The following ZNF518A variants were observed in gnomAD, a reference collection of about 807,000 sequenced individuals.
ZNF518A encodes zinc finger protein 518A, also known as zinc finger protein 518.
ZNF518A carries 47 observed loss-of-function variants against 102.7 expected under a neutral mutation model. That is an observed-to-expected ratio of 0.46 (90% CI 0.36 to 0.58). The LOEUF (loss-of-function observed/expected upper bound fraction) is 0.58, where lower values mean the gene tolerates loss of function less well. ZNF518A is among the 20% of genes least tolerant of loss of function. ZNF518A has a pLI of 0.00. For missense variants in ZNF518A, 1,793 were observed against 1,699.8 expected (o/e 1.05, Z -0.96); for synonymous variants, 652 against 594.6 (o/e 1.10, Z -1.40).
chr10:96,183,485 ATG>A (rs1374584826), intron 1 of ZNF518A, among the ~76,000 whole-genome samples: 2 of 152,206 alleles, frequency 1.3e-5, no homozygotes, highest in African/African-American at 4.8e-5. Context: ...ACTGCTTTAA[ATG>A]TGTCACAGAG....
Position 96,157,483 on chromosome 10 carries a change from A to G in ZNF518A, c.1161A>G (p.Glu387=), listed in dbSNP as rs1335962559. ...LHCENNDKAP[E]SESEKPTPLS... The stretch of plus-strand genomic sequence containing the variant: ...GTGAGAATAATGATAAAGCCCCTGA[A>G]TCAGAGTCAGAGAAGCCAACTCCTC... Residue 387 remains glutamate, a synonymous_variant, in exon 6 of 6, where the codon GAA becomes GAG. Coordinates refer to ENST00000316045, the MANE Select transcript of ZNF518A (RefSeq NM_001330736.2). 3 of 1,613,756 alleles carry G rather than the reference A, an allele frequency of 1.9e-6. No homozygotes were observed. The highest frequency in any genetic ancestry group is 2.5e-6 in the Non-Finnish European group (3 of 1,179,808).
intron 1 of ZNF518A, among the ~76,000 whole-genome samples, chr10:96,179,939 C>T (rs1006114709): frequency 9.5e-5 from 14 of 147,400 alleles, no homozygotes; most frequent in Non-Finnish European, 1.5e-4. Context: ...AGTGCAGTGG[C>T]ACAACCTCGG....
chr10:96,204,047 T>C (rs587689028), exon 3 of ZNF518A: 1 of 1,612,010 alleles, frequency 6.2e-7, no homozygotes, highest in Non-Finnish European at 8.5e-7. Flanking sequence ...CATGGCTTCG[T>C]TGTACTTACT....
Position 96,157,948 on chromosome 10 carries a change from A to G in ZNF518A, c.1626A>G (p.Gln542=). Residue 542 remains glutamine, a synonymous_variant, in exon 6 of 6, where the codon CAA becomes CAG. Coordinates refer to ENST00000316045, the MANE Select transcript of ZNF518A (RefSeq NM_001330736.2). Reference sequence around the variant, plus strand: ...TATCTCAAAGGAATAATATGCTTCAAACAATGGATTATGAGAAAAGTGTAT... The same window carrying G: ...TATCTCAAAGGAATAATATGCTTCAGACAATGGATTATGAGAAAAGTGTAT... The part of the protein sequence containing the change: ...TLISQRNNML[Q]TMDYEKSVSS... 6.2e-7 allele frequency: 1 copy of G among 1,613,862 alleles called. No individual in the cohort carries two copies. The highest frequency in any genetic ancestry group is 8.5e-7 in the Non-Finnish European group (1 of 1,179,788).
Position 96,158,157 on chromosome 10 carries a change from G to T in ZNF518A, c.1835G>T (p.Ser612Ile). ...GTTGCCAAACCAAATGCATACAACA[G>T]TGGAGATATGCATAATTATTGCATT... Reference protein sequence around the residue: ...NCVAKPNAYNSGDMHNYCINY... With the variant: ...NCVAKPNAYNIGDMHNYCINY... Residue 612 changes from serine (S) to isoleucine (I), a missense_variant, in exon 6 of 6, where the codon AGT (serine) becomes ATT (isoleucine). Physicochemically the swap from Ser to Ile is moderately radical, Grantham distance 142 (BLOSUM62 -2). Transcript: ENST00000316045. 1 of 1,613,566 alleles carries T rather than the reference G, an allele frequency of 6.2e-7. No homozygotes were observed. The highest frequency in any genetic ancestry group is 8.5e-7 in the Non-Finnish European group (1 of 1,179,682).
chr10:96,192,906 C>T (rs782754557), intron 1 of ZNF518A, among the ~76,000 whole-genome samples: 5 of 152,096 alleles, frequency 3.3e-5, no homozygotes, highest in Non-Finnish European at 7.4e-5. Flanking sequence ...TACAACAGTG[C>T]CATGAGTTTA....
At position 96,200,995 on chromosome 10, in the gene ZNF518A, G is replaced by C. The variant is rs2133949820; in HGVS notation, n.36-2579G>C. On this transcript the variant is annotated intron_variant and non_coding_transcript_variant, in intron 1 of 2. Transcript: ENST00000442635. The surrounding 1 kb of genome is among the most constrained non-coding windows in gnomAD (Gnocchi z 4.3). ...TTCATTTCATACCTGTTCTGAAATA[G>C]TGGAATTAGATGAAAAGCTGGGTAG... 3.1e-6 allele frequency: 5 copies of C among 1,614,014 alleles called. No individual in the cohort carries two copies. The highest frequency in any genetic ancestry group is 4.2e-6 in the Non-Finnish European group (5 of 1,179,878).
At chr10:96,185,003 T>C (rs1554892419) in intron 1 of ZNF518A, among the ~76,000 whole-genome samples, 1 of 152,186 alleles carries the variant, frequency 6.6e-6, no homozygotes, top group Non-Finnish European at 1.5e-5. Flanking sequence ...GTTCATTTCT[T>C]TTTACTCTTT....
intron 3 of ZNF518A, among the ~76,000 whole-genome samples, chr10:96,145,663 G>A (rs1232191313): frequency 1.3e-5 from 2 of 152,184 alleles, no homozygotes; most frequent in Non-Finnish European, 2.9e-5. Context: ...AATGATACCT[G>A]TATTGTTTTG....
rs1309859409 is a variant in ZNF518A at position 96,158,680 on chromosome 10, G to A, written c.2358G>A (p.Leu786=). 11 of 1,613,196 alleles carry A rather than the reference G, an allele frequency of 6.8e-6. No homozygotes were observed. The South Asian group carries it at 1.2e-4, about 18-fold the overall frequency. Residue 786 remains leucine (L), a synonymous_variant, in exon 6 of 6, where the codon TTG becomes TTA. Coordinates refer to ENST00000316045, the MANE Select transcript of ZNF518A (RefSeq NM_001330736.2). The part of the protein sequence containing the change: ...SEFLPPEVNQ[L]LQDVLKIKPD... Reference sequence around the variant, plus strand: ...TTCTGCCACCTGAAGTAAACCAATTGCTTCAGGATGTATTGAAAATAAAAC... The same window carrying A: ...TTCTGCCACCTGAAGTAAACCAATTACTTCAGGATGTATTGAAAATAAAAC...
At chr10:96,201,738 GCATTCATTCATT>G (rs59428057) in intron 1 of ZNF518A, among the ~76,000 whole-genome samples, 14 of 138,706 alleles carry the variant, frequency 1.0e-4, no homozygotes, top group South Asian at 2.2e-4. Context: ...AGACTTATCT[GCATTCATTCATT>G]CATTCATTCA....
chr10:96,132,031 A>G (rs1554872150), intron 1 of ZNF518A, among the ~76,000 whole-genome samples: 1 of 151,238 alleles, frequency 6.6e-6, no homozygotes, highest in Non-Finnish European at 1.5e-5. Context: ...TTTTTCTTTA[A>G]ATGATAGGAG....
intron 1 of ZNF518A, among the ~76,000 whole-genome samples, chr10:96,184,149 G>T (rs1165127277): frequency 2.6e-5 from 4 of 151,854 alleles, no homozygotes; most frequent in Admixed American, 2.6e-4. Context: ...CTTTCCATTT[G>T]CTTGGTAGGT....
rs144596644 is a variant in ZNF518A, at chr10:96,179,981, C to T, written n.36-23593C>T. 2.7e-3 allele frequency among the ~76,000 whole-genome samples: 405 copies of T among 150,748 alleles called. 3 individuals carry two copies. The highest frequency in any genetic ancestry group is 7.1e-3 in the African/African-American group (292 of 40,982). On this transcript the variant is annotated intron_variant and non_coding_transcript_variant, in intron 1 of 2. Transcript: ENST00000442635. ...GCAACCTCTGCCTCCTGGGTTCAAG[C>T]GATTCTCCTTATTTGGCCTCCTGAG...
intron 3 of ZNF518A, among the ~76,000 whole-genome samples, chr10:96,143,915 T>A (rs1554877497): frequency 6.6e-6 from 1 of 152,196 alleles, no homozygotes; most frequent in African/African-American, 2.4e-5. Flanking sequence ...TATAAGATCT[T>A]TCCTCTTAGC....
chr10:96,138,869 A>G (rs1351329623), intron 3 of ZNF518A, among the ~76,000 whole-genome samples: 5 of 152,214 alleles, frequency 3.3e-5, no homozygotes, highest in Non-Finnish European at 2.9e-5. Flanking sequence ...TAAATGGGCA[A>G]ATAAATAAAA....
At chr10:96,148,450 AAT>A (rs2082272140) in intron 3 of ZNF518A, among the ~76,000 whole-genome samples, 1 of 152,192 alleles carries the variant, frequency 6.6e-6, no homozygotes. Flanking sequence ...CAAAAAAAAA[AAT>A]GTTTTGTCTT....
intron 3 of ZNF518A, among the ~76,000 whole-genome samples, chr10:96,144,052 C>G (rs587599225): frequency 2.0e-5 from 3 of 152,228 alleles, no homozygotes; most frequent in South Asian, 4.1e-4. Context: ...GTAGCATGAT[C>G]ACGGCTCACT....
chr10:96,174,768 A>G (rs1347815744), intron 1 of ZNF518A, among the ~76,000 whole-genome samples: 1 of 152,158 alleles, frequency 6.6e-6, no homozygotes, highest in Non-Finnish European at 1.5e-5. Flanking sequence ...ATAGATAGCA[A>G]TTCTTTACAA....
Sources: allele counts gnomAD v4.1 joint callset (sites outside exome capture counted in the v4.1 genomes callset), GRCh38; gene constraint gnomAD v4.1.1; non-coding constraint Gnocchi (gnomAD v3.1); transcripts MANE v1.5; gene names NCBI Gene and HGNC (gene_info 2026-07-23, HGNC 2026-07-21).